ESRRG: variants seen among roughly 807,000 people sequenced by gnomAD.
ESRRG encodes estrogen related receptor gamma, also known as estrogen-related receptor gamma.
In ESRRG, 13 loss-of-function variants were observed where a neutral mutation model predicts 44.0. That is an observed-to-expected ratio of 0.30 (90% CI 0.19 to 0.47). The LOEUF is 0.47. ESRRG is among the 20% of genes least tolerant of loss of function. The pLI is 1.00. For synonymous variants in ESRRG, 215 were observed against 214.6 expected, an observed-to-expected ratio of 1.00 and a Z score of -0.02; for missense variants, 395 against 580.6, an observed-to-expected ratio of 0.68 and a Z score of 3.29.
At chr1:216,948,476 C>CA (rs5780948) in intron 1 of ESRRG, among the ~76,000 whole-genome samples, 64 of 103,352 alleles carry the variant, frequency 6.2e-4, no homozygotes, top group South Asian at 1.0e-3. Flanking sequence ...GACTCCATCT[C>CA]AAAAAAAAAA....
chr1:216,618,081 A>G (rs2061667744), intron 3 of ESRRG, among the ~76,000 whole-genome samples: 1 of 152,246 alleles, frequency 6.6e-6, no homozygotes, highest in South Asian at 2.1e-4. Flanking sequence ...AGTATCAGTA[A>G]TAATAGTCAT....
intron 2 of ESRRG, among the ~76,000 whole-genome samples, chr1:216,910,155 A>G (rs2060144708): frequency 6.6e-6 from 1 of 152,126 alleles, no homozygotes; most frequent in African/African-American, 2.4e-5. Context: ...AAAATACTAA[A>G]AACCATTAGT....
chr1:216,580,533 T>C (rs2062563955), intron 3 of ESRRG, among the ~76,000 whole-genome samples: 1 of 152,226 alleles, frequency 6.6e-6, no homozygotes, highest in African/African-American at 2.4e-5. Context: ...GAGAGAATTA[T>C]ATTTAGATAC....
intron 2 of ESRRG, among the ~76,000 whole-genome samples, chr1:216,819,794 A>G (rs1400252733): frequency 6.6e-6 from 1 of 152,188 alleles, no homozygotes; most frequent in Admixed American, 6.5e-5. Flanking sequence ...ATGTAACACC[A>G]TTTTAGAAAA....
rs143546374 is a variant in ESRRG at position 216,993,904 on chromosome 1, T to G, written c.-105-54231A>C. 1.7e-4 allele frequency among the ~76,000 whole-genome samples: 26 copies of G among 152,320 alleles called. No individual in the cohort carries two copies. The East Asian group carries it at 5.0e-3, about 29-fold the overall frequency. ...TTTTATCTTCCTTATACTTCAAATTTTATCTCCAGGTAAATATCACTTTTT... is the reference window on the plus strand; with the variant it reads ...TTTTATCTTCCTTATACTTCAAATTGTATCTCCAGGTAAATATCACTTTTT... On this transcript the variant is annotated intron_variant, in intron 1 of 7. Transcript: ENST00000359162.
At chr1:216,646,378 A>G (rs1179530523) in intron 3 of ESRRG, among the ~76,000 whole-genome samples, 14 of 152,164 alleles carry the variant, frequency 9.2e-5, no homozygotes, top group Non-Finnish European at 1.9e-4. Context: ...CTAAGCATGT[A>G]CTAGACCCTG....
chr1:216,569,743 G>A (rs1485709598), intron 3 of ESRRG, among the ~76,000 whole-genome samples: 3 of 152,124 alleles, frequency 2.0e-5, no homozygotes, highest in East Asian at 1.9e-4. Flanking sequence ...CATGTAATTC[G>A]TTGTACATAT....
intron 1 of ESRRG, among the ~76,000 whole-genome samples, chr1:217,063,842 T>G (rs1048325885): frequency 6.6e-5 from 10 of 152,158 alleles, no homozygotes; most frequent in Non-Finnish European, 1.3e-4. Flanking sequence ...ATGAGTATAA[T>G]GGTGATTCAA....
chr1:216,973,100 C>T (rs963492525), intron 1 of ESRRG, among the ~76,000 whole-genome samples: 2 of 152,270 alleles, frequency 1.3e-5, no homozygotes, highest in African/African-American at 4.8e-5. Flanking sequence ...ATGAGGCTCC[C>T]TGCTTCTGTC....
chr1:216,727,903 A>G (rs931291926), upstream of ESRRG, among the ~76,000 whole-genome samples: 6 of 134,046 alleles, frequency 4.5e-5, no homozygotes, highest in African/African-American at 1.8e-4. Flanking sequence ...TGGAGGGGGA[A>G]AAAAAAAGAA....
At chr1:216,978,963 G>A (rs552105554) in intron 1 of ESRRG, among the ~76,000 whole-genome samples, 1 of 152,230 alleles carries the variant, frequency 6.6e-6, no homozygotes, top group Non-Finnish European at 1.5e-5. Context: ...GTGCACATGA[G>A]CTGGGACCTC....
intron 1 of ESRRG, among the ~76,000 whole-genome samples, chr1:217,009,337 A>G (rs1277170634): frequency 6.6e-6 from 1 of 152,150 alleles, no homozygotes; most frequent in Non-Finnish European, 1.5e-5. Flanking sequence ...ATTTTTGCTG[A>G]GACTTGCCTA....
chr1:216,890,037 G>T (rs1005126796), intron 2 of ESRRG, among the ~76,000 whole-genome samples: 1 of 152,062 alleles, frequency 6.6e-6, no homozygotes, highest in Non-Finnish European at 1.5e-5. Flanking sequence ...GGCTGAGGTG[G>T]GAGGATCACT....
chr1:216,738,625 G>A (rs531658826), intron 2 of ESRRG, among the ~76,000 whole-genome samples: 1 of 152,184 alleles, frequency 6.6e-6, no homozygotes, highest in South Asian at 2.1e-4. Context: ...CAAACAGAAT[G>A]TAGTAAGGGG....
intron 1 of ESRRG, among the ~76,000 whole-genome samples, chr1:216,708,815 A>C (rs1380080533): frequency 6.6e-6 from 1 of 152,178 alleles, no homozygotes; most frequent in Non-Finnish European, 1.5e-5. Flanking sequence ...GAACCAACCC[A>C]AATGCCCTTC....
At chr1:216,560,714 A>G (rs2058556665) in intron 5 of ESRRG, among the ~76,000 whole-genome samples, 1 of 152,192 alleles carries the variant, frequency 6.6e-6, no homozygotes, top group Non-Finnish European at 1.5e-5. Context: ...AAAGGCCAAC[A>G]ATGGAGAGGG....
intron 3 of ESRRG, among the ~76,000 whole-genome samples, chr1:216,569,081 A>AAAGGAAGG (rs56064287): frequency 0.017 from 1,693 of 98,166 alleles, 102 homozygotes; most frequent in Admixed American, 0.076. Context: ...AGACAGAGAG[A>AAAGGAAGG]AAGGAAGGAA....
chr1:216,684,871 A>G (rs533096585), intron 1 of ESRRG, among the ~76,000 whole-genome samples: 1 of 152,362 alleles, frequency 6.6e-6, no homozygotes, highest in East Asian at 1.9e-4. Flanking sequence ...AGGCAAATTA[A>G]GTGTTTTAAC....
chr1:216,774,097 T>C (rs1159301986), intron 2 of ESRRG, among the ~76,000 whole-genome samples: 1 of 151,892 alleles, frequency 6.6e-6, no homozygotes. Context: ...AGCTTAGGAG[T>C]GGAAGAGCTA....
Sources: gnomAD v4.1 joint callset for allele counts (sites outside exome capture counted in the v4.1 genomes callset) on GRCh38, gnomAD v4.1.1 for gene constraint, MANE v1.5 for transcripts, NCBI Gene and HGNC (gene_info 2026-07-23, HGNC 2026-07-21) for gene names.